Variants in LILRB4 observed in about 807,000 individuals in gnomAD.
LILRB4 encodes leukocyte immunoglobulin-like receptor subfamily B member 4.
A neutral mutation model predicts 55.2 loss-of-function variants in LILRB4; 49 were observed. That is an observed-to-expected ratio of 0.89 (90% CI 0.71 to 1.13). LILRB4 has a LOEUF of 1.13. Ranked by LOEUF, LILRB4 falls within the 50% of genes most tolerant of loss-of-function variation. LILRB4 has a pLI of 0.00. For missense variants in LILRB4, 590 were observed against 555.2 expected, an observed-to-expected ratio of 1.06 and a Z score of -0.63; for synonymous variants, 229 against 213.8, an observed-to-expected ratio of 1.07 and a Z score of -0.62.
At chr19:54,667,514 G>T (rs925542608) in intron 10 of LILRB4, 121 bp from the exon 11 acceptor site, 7 of 1,533,440 alleles carry the variant, frequency 4.6e-6, no homozygotes, top group Non-Finnish European at 6.1e-6. Flanking sequence ...ACGGCCTTAG[G>T]GCATCCCTGA....
chr19:54,664,683 T>G (rs1599922793), intron 4 of LILRB4, 116 bp from the exon 5 acceptor site: 1 of 1,035,116 alleles, frequency 9.7e-7, no homozygotes, highest in Non-Finnish European at 1.4e-6. Context: ...AGGTGCCAGG[T>G]GGACAGAGAA....
chr19:54,667,747 A>G (rs780225278), exon 11 of LILRB4: 2 of 1,611,320 alleles, frequency 1.2e-6, no homozygotes, highest in South Asian at 1.1e-5. Flanking sequence ...GAATTCCTGG[A>G]CACAAAGGAC....
chr19:54,663,496 T>G, intron 1 of LILRB4, 36 bp from the exon 2 acceptor site: 1 of 1,606,400 alleles, frequency 6.2e-7, no homozygotes, highest in Non-Finnish European at 8.5e-7. Context: ...TGCTCAGGCT[T>G]CCGGGGCAAA....
chr19:54,664,854 G>A lies in LILRB4; in HGVS notation c.706+5G>A. The A allele has an allele frequency of 6.2e-7, 1 of 1,612,510 alleles. No homozygotes were observed. Among genetic ancestry groups the A allele is most frequent in the Non-Finnish European group, 8.5e-7 (1 of 1,178,728 alleles). Reference sequence around the variant, plus strand: ...CAAGGTCCGTCTCAACAGCTGGTGAGTCTCAGAGGCCTCTGTCCAGAGAGT... The same window carrying A: ...CAAGGTCCGTCTCAACAGCTGGTGAATCTCAGAGGCCTCTGTCCAGAGAGT... On this transcript the variant is annotated splice_donor_5th_base_variant and intron_variant, in intron 5 of 11. Transcript: ENST00000430952.
chr19:54,666,645 G>A lies in LILRB4; in HGVS notation c.989-52G>A, dbSNP rs1400184210. The A allele has an allele frequency of 6.4e-7, 1 of 1,573,132 alleles. No individual in the cohort carries two copies. The highest frequency in any genetic ancestry group is 1.3e-5 in the African/African-American group (1 of 74,110). On this transcript the variant is annotated intron_variant, in intron 9 of 11. Transcript: ENST00000430952. The surrounding 1 kb of genome is among the most constrained non-coding windows in gnomAD (Gnocchi z 4.8). ...ACAGGGCAGGGACCAGCAGGAATGAGAGGTCCCAGGGAACCTTCCCAGGAG... is the reference window on the plus strand; with the variant it reads ...ACAGGGCAGGGACCAGCAGGAATGAAAGGTCCCAGGGAACCTTCCCAGGAG...
exon 12 of LILRB4, chr19:54,668,013 C>G (rs759561097): frequency 9.9e-6 from 16 of 1,614,116 alleles, no homozygotes; most frequent in Admixed American, 5.0e-5. Context: ...CTCTGGCCAT[C>G]CACTAATCCA....
In LILRB4 at chr19:54,665,336, G is replaced by C; in HGVS notation, c.757+156G>C. 3.4e-6 allele frequency: 3 copies of C among 880,244 alleles called. No homozygotes were observed. Among genetic ancestry groups the C allele is most frequent in the Non-Finnish European group, 4.1e-6 (3 of 734,256 alleles). 54.5% of individuals were successfully genotyped at this position (880,244 alleles called of 1,614,324 possible). A position where few individuals can be genotyped will look rare whatever the true frequency, so the allele number is the denominator to read the frequency against. On this transcript the variant is annotated intron_variant, in intron 6 of 11. Transcript: ENST00000430952. This position sits in a 1 kb window ranked among gnomAD's most constrained non-coding sequence, Gnocchi z 5.5. ...CCAAGTGTAAAGGAGAGAGGCCTGC[G>C]GGTGGGAAAGTTCCTTTCAGCTCTG...
chr19:54,666,896 AC>A lies in LILRB4; in HGVS notation c.1041+149del. ...AGCACGCTGCCTCCTGCCTGCTGGG[AC>A]CTCACTCTCTCCTGCTGTCCTGGGA... On this transcript the variant is annotated intron_variant, in intron 10 of 11. Transcript: ENST00000430952. The surrounding 1 kb of genome is among the most constrained non-coding windows in gnomAD (Gnocchi z 4.8). 1 of 854,076 alleles carries A rather than the reference AC, an allele frequency of 1.2e-6. No homozygotes were observed. The highest frequency in any genetic ancestry group is 2.0e-6 in the Non-Finnish European group (1 of 489,978). The allele number at this position is 854,076 out of a possible 1,614,324, so 52.9% of individuals were successfully genotyped here. A position where few individuals can be genotyped will look rare whatever the true frequency, so the allele number is the denominator to read the frequency against.
At chr19:54,663,806 G>C (rs1385975293) in exon 3 of LILRB4, 1 of 1,614,050 alleles carries the variant, frequency 6.2e-7, no homozygotes, top group African/African-American at 1.3e-5. Context: ...TGATCAGCTG[G>C]GGGAACTCTG....
rs746432826 is a variant in LILRB4, at chr19:54,666,480, G to A, written c.988+44G>A. 1.6e-5 allele frequency: 26 copies of A among 1,607,500 alleles called. No homozygotes were observed. In the South Asian group the frequency reaches 2.3e-4, roughly 14 times the overall value. On this transcript the variant is annotated intron_variant, in intron 9 of 11. Transcript: ENST00000430952. The surrounding 1 kb of genome is among the most constrained non-coding windows in gnomAD (Gnocchi z 4.8). ...AGGTGCACCTGGGGTGGAGCTGGGG[G>A]TCCCAAAATTTCAATAGCAATGGGG...
chr19:54,663,083 G>C lies in LILRB4; in HGVS notation c.34+16G>C, dbSNP rs202166687. ...CTCTGCCTCGGTGAGATTTAAAGAG[G>C]GGGAGGGGAGACCCGAGTCTTGGAG... On this transcript the variant is annotated intron_variant, in intron 1 of 11. Transcript: ENST00000430952. The C allele has an allele frequency of 7.5e-4, 1,203 of 1,606,488 alleles. 9 individuals are homozygous for C. Among genetic ancestry groups the C allele is most frequent in the Middle Eastern group, 7.0e-3 (42 of 6,008 alleles).
Position 54,667,616 on chromosome 19 carries a change from C to T in LILRB4, c.1042-22C>T, listed in dbSNP as rs748133867. ...GTCAGGAGGATTCAAGGACACCCCC[C>T]ACCACTGTCTCTCTCCAGCAGAGCC... On this transcript the variant is annotated intron_variant, in intron 10 of 11. Coordinates refer to ENST00000430952, the Ensembl canonical transcript of LILRB4. 5 of 1,608,578 alleles carry T rather than the reference C, an allele frequency of 3.1e-6. No individual in the cohort carries two copies. Among genetic ancestry groups the T allele is most frequent in the Non-Finnish European group, 3.4e-6 (4 of 1,178,224 alleles).
chr19:54,663,198 G>A lies in LILRB4; in HGVS notation c.34+131G>A, dbSNP rs572708189. ...GCGGTGGCTCACGCCTGTAATCCCA[G>A]CACTTTGGGAGGCCGAGGCGGGCGG... On this transcript the variant is annotated intron_variant, in intron 1 of 11. Coordinates refer to ENST00000430952, the Ensembl canonical transcript of LILRB4. The A allele has an allele frequency of 3.7e-6, 4 of 1,073,436 alleles. No homozygotes were observed. In the East Asian group the frequency reaches 1.0e-4, roughly 27 times the overall value. 66.5% of individuals were successfully genotyped at this position (1,073,436 alleles called of 1,614,324 possible).
intron 10 of LILRB4, 27 bp from the exon 11 acceptor site, chr19:54,667,608 A>T: frequency 6.2e-7 from 1 of 1,609,734 alleles, no homozygotes; most frequent in Non-Finnish European, 8.5e-7. Flanking sequence ...GGATTCAAGG[A>T]CACCCCCCAC....
In LILRB4 at chr19:54,663,400, C is replaced by G. The variant is rs977818340; in HGVS notation, c.35-132C>G. 5.9e-4 allele frequency: 784 copies of G among 1,328,602 alleles called. 1 individual carries two copies. The highest frequency in any genetic ancestry group is 7.6e-4 in the Non-Finnish European group (743 of 983,940). 82.3% of individuals were successfully genotyped at this position (1,328,602 alleles called of 1,614,324 possible). On this transcript the variant is annotated intron_variant, in intron 1 of 11. Transcript: ENST00000430952. ...GGCGGAGCTTGCAGTGAGCCAAGAT[C>G]GCACCACCGCACTCCAGCCTGGGTG...
chr19:54,663,685 C>T, intron 2 of LILRB4, 69 bp from the exon 3 acceptor site: 3 of 1,608,474 alleles, frequency 1.9e-6, no homozygotes, highest in South Asian at 1.1e-5. Flanking sequence ...ACGGGGGGGT[C>T]CTGGGGCTGA....
chr19:54,664,541 G>A (rs894709321), intron 4 of LILRB4, 56 bp downstream of exon 4: 5 of 1,515,924 alleles, frequency 3.3e-6, no homozygotes, highest in Non-Finnish European at 4.5e-6. Flanking sequence ...ATGCCCTGCT[G>A]CCAGGAGAGC....
chr19:54,664,111 C>T lies in LILRB4; in HGVS notation c.355+73C>T, dbSNP rs1006591492. On this transcript the variant is annotated intron_variant, in intron 3 of 11. Coordinates refer to ENST00000430952, the Ensembl canonical transcript of LILRB4. ...GGGGGTCAGCTCTCAGGGGCATCTC[C>T]CTCTCACAGCCCAGCCCTGGGGATG... 3.8e-6 allele frequency: 6 copies of T among 1,596,762 alleles called. No homozygotes were observed. The East Asian group carries it at 1.1e-4, about 30-fold the overall frequency.
intron 2 of LILRB4, 87 bp downstream of exon 2, chr19:54,663,654 T>C: frequency 6.2e-7 from 1 of 1,610,758 alleles, no homozygotes; most frequent in South Asian, 1.1e-5. Context: ...AGACAGCAGT[T>C]CTGGGTGACT....
Sources: gnomAD v4.1 joint callset for allele counts on GRCh38, gnomAD v4.1.1 for gene constraint, Gnocchi (gnomAD v3.1) non-coding constraint, MANE v1.5 for transcripts, NCBI Gene and HGNC (gene_info 2026-07-23, HGNC 2026-07-21) for gene names.